The following C6orf163 variants were observed in gnomAD, a reference collection of about 807,000 sequenced individuals.
The protein encoded by C6orf163 is chromosome 6 open reading frame 163.
Under a neutral mutation model 28.4 loss-of-function variants are expected in C6orf163, and 22 were observed. The observed-to-expected ratio is 0.78, with a 90% CI of 0.55 to 1.11. The LOEUF (loss-of-function observed/expected upper bound fraction) is 1.11, where lower values mean the gene tolerates loss of function less well. C6orf163 is among the 50% of genes least tolerant of loss of function. The pLI is 0.00. For synonymous variants in C6orf163, 110 were observed against 123.6 expected, an observed-to-expected ratio of 0.89 and a Z score of 0.73; for missense variants, 342 against 389.1, an observed-to-expected ratio of 0.88 and a Z score of 1.02.
rs560885449 is a variant in C6orf163, at chr6:87,356,036, C to G, written c.352-265C>G. 49 of 403,804 alleles carry G rather than the reference C, an allele frequency of 1.2e-4. No homozygotes were observed. The South Asian group carries it at 1.9e-3, about 15-fold the overall frequency. 25.0% of individuals were successfully genotyped at this position (403,804 alleles called of 1,614,324 possible). A position where few individuals can be genotyped will look rare whatever the true frequency, so the allele number is the denominator to read the frequency against. ...AAAAAAGACCTTTAACCCTACCCCT[C>G]TAACCCAACTATTTTCTTTTTTCCA... On this transcript the variant is annotated intron_variant, in intron 3 of 4. Transcript: ENST00000388923.
chr6:87,347,945 CAA>C lies in C6orf163; in HGVS notation c.149-866_149-865del. The stretch of plus-strand genomic sequence containing the variant: ...CCGAAGTGGGCAGATCACTTGAGGT[CAA>C]GAGTTCGAGACCAGCCTGACCAACA... On this transcript the variant is annotated intron_variant, in intron 1 of 4. Transcript: ENST00000388923. 3 of 853,864 alleles carry C rather than the reference CAA, an allele frequency of 3.5e-6. No individual in the cohort carries two copies. The South Asian group carries it at 1.6e-4, about 46-fold the overall frequency. 52.9% of individuals were successfully genotyped at this position (853,864 alleles called of 1,614,324 possible). A position where few individuals can be genotyped will look rare whatever the true frequency, so the allele number is the denominator to read the frequency against.
At chr6:87,348,445 G>T in intron 1 of C6orf163, 1 of 997,180 alleles carries the variant, frequency 1.0e-6, no homozygotes. Flanking sequence ...CACCCAAATA[G>T]GAACAGGGAG....
At chr6:87,362,563 T>C (rs1777596837) in intron 4 of C6orf163, among the ~76,000 whole-genome samples, 2 of 152,210 alleles carry the variant, frequency 1.3e-5, no homozygotes, top group South Asian at 4.1e-4. Context: ...CCACAGTTCC[T>C]GCAATACAGT....
At chr6:87,347,823 TC>T in intron 1 of C6orf163, 1 of 985,510 alleles carries the variant, frequency 1.0e-6, no homozygotes, top group South Asian at 4.7e-5. Flanking sequence ...GGAATGTGGA[TC>T]CAGATAGCTC....
intron 4 of C6orf163, among the ~76,000 whole-genome samples, chr6:87,360,416 T>TGA (rs10625537): frequency 6.9e-6 from 1 of 145,342 alleles, no homozygotes; most frequent in Non-Finnish European, 1.5e-5. Context: ...TTTTTTTTTT[T>TGA]GAGAGAGTCT....
Position 87,350,404 on chromosome 6 carries a change from G to A in C6orf163, c.254G>A (p.Arg85His), listed in dbSNP as rs1271119495. The change falls in exon 3 of 5, where the codon CGT (arginine) becomes CAT (histidine). Residue 85 changes from arginine (R) to histidine (H), a missense_variant. Arg to His is a conservative substitution (Grantham distance 29). Coordinates refer to ENST00000388923, the MANE Select transcript of C6orf163 (RefSeq NM_001010868.3). ...CTCTTTCTTTCAAAGGCTAATGAAC[G>A]TCAAAAACAAGCAGTGGAGAAAGCA... ...EAEVWAQANE[R>H]QKQAVEKALE... The A allele has an allele frequency of 5.2e-6, 8 of 1,529,964 alleles. No individual in the cohort carries two copies. Among genetic ancestry groups the A allele is most frequent in the African/African-American group, 2.7e-5 (2 of 72,784 alleles). The allele number at this position is 1,529,964 out of a possible 1,614,324, so 94.8% of individuals were successfully genotyped here. A position where few individuals can be genotyped will look rare whatever the true frequency, so the allele number is the denominator to read the frequency against.
intron 3 of C6orf163, among the ~76,000 whole-genome samples, chr6:87,355,130 A>G (rs1777479773): frequency 6.6e-6 from 1 of 152,276 alleles, no homozygotes; most frequent in African/African-American, 2.4e-5. Flanking sequence ...GAAAGACTCC[A>G]GCATCACAGC....
At position 87,356,530 on chromosome 6, in the gene C6orf163, T is replaced by C. The variant is rs914397505; in HGVS notation, c.554+27T>C. 7 of 1,542,340 alleles carry C rather than the reference T, an allele frequency of 4.5e-6. No homozygotes were observed. In the Admixed American group the frequency reaches 1.2e-4, roughly 26 times the overall value. ...TATTCCAGAGAACTCATTTACAAAT[T>C]AGTAACTTCCTTTATCAAAATCAAC... is the stretch of plus-strand genomic sequence containing the variant. On this transcript the variant is annotated intron_variant, in intron 4 of 4. Transcript: ENST00000388923.
At chr6:87,349,986 C>A (rs967674194) in intron 2 of C6orf163, among the ~76,000 whole-genome samples, 1 of 152,176 alleles carries the variant, frequency 6.6e-6, no homozygotes, top group Non-Finnish European at 1.5e-5. Flanking sequence ...TGGTACTCTG[C>A]CTCTTTACTC....
At chr6:87,349,609 T>C (rs1428944220) in intron 2 of C6orf163, among the ~76,000 whole-genome samples, 1 of 152,230 alleles carries the variant, frequency 6.6e-6, no homozygotes, top group Non-Finnish European at 1.5e-5. Context: ...ACCACAGTGC[T>C]TAGAAAAATG....
chr6:87,364,143 G>A lies in C6orf163; in HGVS notation c.555-818G>A, dbSNP rs184253632. On this transcript the variant is annotated intron_variant, in intron 4 of 4. Transcript: ENST00000388923. Reference sequence around the variant, plus strand: ...TACTAAAAAATACAAAAATTAGCTGGGTGTAGTCGTGCACACCTGTAATCC... The same window carrying A: ...TACTAAAAAATACAAAAATTAGCTGAGTGTAGTCGTGCACACCTGTAATCC... Among the ~76,000 whole-genome samples the A allele has an allele frequency of 5.3e-5, 8 of 152,090 alleles. 1 individual carries two copies. The highest frequency in any genetic ancestry group is 9.6e-5 in the African/African-American group (4 of 41,498).
At chr6:87,360,866 A>G (rs1777570239) in intron 4 of C6orf163, among the ~76,000 whole-genome samples, 1 of 152,178 alleles carries the variant, frequency 6.6e-6, no homozygotes, top group African/African-American at 2.4e-5. Flanking sequence ...CACACTAGGC[A>G]GGGGAGATAC....
In C6orf163 at chr6:87,356,454, A is replaced by G. The variant is rs762313741; in HGVS notation, c.505A>G (p.Arg169Gly). The stretch of plus-strand genomic sequence containing the variant: ...GAAGGTCGAAGCTGTGGAGAAAGCC[A>G]GGGCTGAAGAAAGACACATCGCCCA... ...REKVEAVEKA[R>G]AEERHIAQEA... Residue 169 changes from arginine (R) to glycine (G), a missense_variant, in exon 4 of 5, where the codon AGG becomes GGG. Arg to Gly is a moderately radical substitution (Grantham distance 125). Transcript: ENST00000388923. The G allele has an allele frequency of 6.4e-7, 1 of 1,551,822 alleles. No homozygotes were observed. Among genetic ancestry groups the G allele is most frequent in the South Asian group, 1.2e-5 (1 of 84,064 alleles).
rs1379337055 is a variant in C6orf163, at chr6:87,345,244, CTAGG to C, written c.148_148+3del. On this transcript the variant is annotated splice_donor_variant and coding_sequence_variant, in exon 1 of 5. Transcript: ENST00000388923. LOFTEE classifies it high-confidence loss of function. The stretch of plus-strand genomic sequence containing the variant: ...ACGCTTTTACACTCACAAAGACATA[CTAGG>C]TAAGTGACTTTATCGTTTTCCTTTG... 1 of 1,520,098 alleles carries C rather than the reference CTAGG, an allele frequency of 6.6e-7. No homozygotes were observed. Among genetic ancestry groups the C allele is most frequent in the Non-Finnish European group, 8.8e-7 (1 of 1,142,322 alleles). 94.2% of individuals were successfully genotyped at this position (1,520,098 alleles called of 1,614,324 possible).
At chr6:87,349,529 C>G (rs1280408062) in intron 2 of C6orf163, among the ~76,000 whole-genome samples, 1 of 152,142 alleles carries the variant, frequency 6.6e-6, no homozygotes, top group Non-Finnish European at 1.5e-5. Context: ...GTCCTGTAGC[C>G]CTACTTCTTC....
rs1454378860 is a variant in C6orf163, at chr6:87,348,859, A to G, written c.196A>G (p.Ile66Val). 3.9e-6 allele frequency: 6 copies of G among 1,537,570 alleles called. No individual in the cohort carries two copies. The highest frequency in any genetic ancestry group is 2.4e-5 in the East Asian group (1 of 40,930). Residue 66 changes from isoleucine to valine, a missense_variant, in exon 2 of 5, where the codon ATA becomes GTA. Coordinates refer to ENST00000388923, the MANE Select transcript of C6orf163 (RefSeq NM_001010868.3). ...LKKEEQFQED[I>V]LREHIAKAEA... ...AAAAGAAGAGCAGTTTCAAGAAGAT[A>G]TACTCAGAGAACACATTGCGAAAGC...
In C6orf163 at chr6:87,365,098, A is replaced by G; in HGVS notation, c.692A>G (p.Glu231Gly). ...ATAGCTCAGAGGCAGAGGCAAGAAG[A>G]GGTACAGGAAGTGCTTCAAGAAGCA... is the stretch of plus-strand genomic sequence containing the variant. ...YGIAQRQRQE[E>G]VQEVLQEAEK... is the part of the protein sequence containing the mutation. Residue 231 changes from glutamate to glycine, a missense_variant, in exon 5 of 5, where the codon GAG (glutamate) becomes GGG (glycine). Physicochemically the swap from Glu to Gly is moderately conservative, Grantham distance 98. Coordinates refer to ENST00000388923, the MANE Select transcript of C6orf163 (RefSeq NM_001010868.3). 1.9e-6 allele frequency: 3 copies of G among 1,552,028 alleles called. No individual in the cohort carries two copies. Among genetic ancestry groups the G allele is most frequent in the Non-Finnish European group, 2.6e-6 (3 of 1,147,082 alleles).
At chr6:87,352,929 G>T (rs1334833516) in intron 3 of C6orf163, among the ~76,000 whole-genome samples, 1 of 152,102 alleles carries the variant, frequency 6.6e-6, no homozygotes, top group Non-Finnish European at 1.5e-5. Flanking sequence ...TGGAGTCCAT[G>T]AATCTATTTC....
intron 4 of C6orf163, chr6:87,357,495 G>A (rs938868387): frequency 6.6e-6 from 1 of 152,142 alleles, no homozygotes; most frequent in African/African-American, 2.4e-5. Flanking sequence ...TTAGAACAGG[G>A]ACACAGGTAA....
Sources: gnomAD v4.1 joint callset for allele counts (sites outside exome capture counted in the v4.1 genomes callset) on GRCh38, gnomAD v4.1.1 for gene constraint, MANE v1.5 for transcripts, NCBI Gene and HGNC (gene_info 2026-07-23, HGNC 2026-07-21) for gene names.